Variants in C1QB observed in about 807,000 individuals in gnomAD.
C1QB encodes the protein complement C1q subcomponent subunit B.
Under a neutral mutation model 4.6 loss-of-function variants are expected in C1QB, and 2 were observed. The observed-to-expected ratio is 0.43, with a 90% CI of 0.18 to 1.36. C1QB has a LOEUF of 1.36. Among genes scored for constraint, C1QB ranks in the 40% most tolerant of loss-of-function variants. The pLI is 0.28. For synonymous variants in C1QB, 132 were observed against 137.1 expected (o/e 0.96, Z 0.26); for missense variants, 292 against 338.0 (o/e 0.86, Z 1.07).
chr1:22,656,883 G>A (rs1251819994), intron 1 of C1QB, among the ~76,000 whole-genome samples: 1 of 152,132 alleles, frequency 6.6e-6, no homozygotes, highest in African/African-American at 2.4e-5. Flanking sequence ...GTGGCCCACA[G>A]AAGTCGGGGA....
intron 1 of C1QB, 107 bp from the exon 2 acceptor site, chr1:22,659,333 T>A: frequency 2.3e-6 from 2 of 861,190 alleles, no homozygotes; most frequent in Non-Finnish European, 3.5e-6. Context: ...TGGATGCAGA[T>A]GGAGGAATAG....
Position 22,661,424 on chromosome 1 carries a change from C to A in C1QB, c.*38C>A, listed in dbSNP as rs771818069. ...TTCACATCCACCCCGGCTCCCCCTG[C>A]CAGCAACGCTCACTCTACCCCCAAC... On this transcript the variant is annotated 3_prime_UTR_variant, in exon 3 of 3. Transcript: ENST00000509305. The A allele has an allele frequency of 1.2e-6, 2 of 1,610,690 alleles. No homozygotes were observed.
At chr1:22,656,181 A>T (rs538587105) in intron 1 of C1QB, among the ~76,000 whole-genome samples, 9 of 152,350 alleles carry the variant, frequency 5.9e-5, no homozygotes, top group African/African-American at 1.9e-4. Flanking sequence ...CAGAGGTGTC[A>T]TTGAGGAAAC....
chr1:22,661,615 G>C lies in C1QB; in HGVS notation c.*229G>C. The stretch of plus-strand genomic sequence containing the variant: ...GCTCAGAAATGTTGGTTACATGAAT[G>C]AATGAACCATGAATGAATGAAATCT... On this transcript the variant is annotated 3_prime_UTR_variant, in exon 3 of 3. Coordinates refer to ENST00000509305, the MANE Select transcript of C1QB (RefSeq NM_001378156.1). 1.7e-6 allele frequency: 1 copy of C among 589,962 alleles called. No individual in the cohort carries two copies. The allele number at this position is 589,962 out of a possible 1,614,324, so 36.5% of individuals were successfully genotyped here.
intron 1 of C1QB, 63 bp from the exon 2 acceptor site, chr1:22,659,377 T>C (rs1642585229): frequency 7.8e-6 from 11 of 1,418,902 alleles, no homozygotes. Context: ...GATGGATGGA[T>C]GGATGGATGG....
At chr1:22,654,446 A>C (rs291985) in intron 1 of C1QB, among the ~76,000 whole-genome samples, 86,206 of 151,722 alleles carry the variant, frequency 0.57, 26,012 homozygotes, top group African/African-American at 0.79. Flanking sequence ...CCCTCTAAAC[A>C]CAGTCTTTCA....
Position 22,660,862 on chromosome 1 carries a change from C to G in C1QB, c.232C>G (p.Pro78Ala). 6.2e-7 allele frequency: 1 copy of G among 1,613,866 alleles called. No individual in the cohort carries two copies. Among genetic ancestry groups the G allele is most frequent in the Middle Eastern group, 1.7e-4 (1 of 6,048 alleles). The change falls in exon 3 of 3, where the codon CCA becomes GCA. Residue 78 changes from proline to alanine, a missense_variant. By Grantham distance (27) the Pro-to-Ala change is conservative. Coordinates refer to ENST00000509305, the MANE Select transcript of C1QB (RefSeq NM_001378156.1). ...TGGTGAGTTCGGAGAGAAGGGAGACCCAGGGATTCCTGGGAATCCAGGAAA... is the reference window on the plus strand; with the variant it reads ...TGGTGAGTTCGGAGAGAAGGGAGACGCAGGGATTCCTGGGAATCCAGGAAA... ...DHGEFGEKGD[P>A]GIPGNPGKVG...
chr1:22,658,998 G>A (rs1342017160), intron 1 of C1QB, among the ~76,000 whole-genome samples: 1 of 148,546 alleles, frequency 6.7e-6, no homozygotes, highest in African/African-American at 2.5e-5. Flanking sequence ...GGGATGCATG[G>A]GTGGATGAAT....
At chr1:22,656,182 T>C (rs1002345936) in intron 1 of C1QB, among the ~76,000 whole-genome samples, 2 of 152,166 alleles carry the variant, frequency 1.3e-5, no homozygotes, top group Non-Finnish European at 1.5e-5. Flanking sequence ...AGAGGTGTCA[T>C]TGAGGAAACT....
chr1:22,657,515 T>G (rs1642546391), intron 1 of C1QB, among the ~76,000 whole-genome samples: 1 of 152,138 alleles, frequency 6.6e-6, no homozygotes, highest in African/African-American at 2.4e-5. Context: ...ATAATTCCAT[T>G]TATATGAAAT....
intron 1 of C1QB, among the ~76,000 whole-genome samples, chr1:22,656,472 G>A (rs541391442): frequency 2.0e-5 from 3 of 152,148 alleles, no homozygotes; most frequent in South Asian, 2.1e-4. Context: ...TCCAGAGTTC[G>A]AGACCAGCCT....
intron 1 of C1QB, among the ~76,000 whole-genome samples, chr1:22,654,876 T>C (rs1019172786): frequency 6.6e-6 from 1 of 152,242 alleles, no homozygotes; most frequent in African/African-American, 2.4e-5. Flanking sequence ...CCTTGGTGTG[T>C]CCCATGCATT....
At chr1:22,656,430 TCAGGAGGCTGAGG>T (rs1232433623) in intron 1 of C1QB, among the ~76,000 whole-genome samples, 1 of 152,058 alleles carries the variant, frequency 6.6e-6, no homozygotes, top group African/African-American at 2.4e-5. Context: ...TCCCAGCTAC[TCAGGAGGCTGAGG>T]CAGGAGGATG....
In C1QB at chr1:22,659,767, C is replaced by T. The variant is rs894600950; in HGVS notation, c.181+124C>T. On this transcript the variant is annotated intron_variant, in intron 2 of 2. Transcript: ENST00000509305. ...TGGCAAATCCAGCAGCTTGCTGAAC[C>T]CTTGCAGTAACTTTGCAAGGAGGGA... 3.5e-6 allele frequency: 4 copies of T among 1,155,224 alleles called. No homozygotes were observed. The Admixed American group carries it at 8.7e-5, about 25-fold the overall frequency. 71.6% of individuals were successfully genotyped at this position (1,155,224 alleles called of 1,614,324 possible).
rs567573612 is a variant in C1QB at position 22,660,808 on chromosome 1, C to T, written c.182-4C>T. ...TCTCACTTCTTTGGTCTCTGCTTTT[C>T]CAGGGCTTCCAGGGCTGGCTGGAGA... On this transcript the variant is annotated splice_polypyrimidine_tract_variant and splice_region_variant and intron_variant, in intron 2 of 2. Transcript: ENST00000509305. The T allele has an allele frequency of 6.8e-6, 11 of 1,613,900 alleles. No homozygotes were observed. In the South Asian group the frequency reaches 1.2e-4, roughly 18 times the overall value.
chr1:22,655,816 T>A (rs149248312), intron 1 of C1QB, among the ~76,000 whole-genome samples: 28 of 152,270 alleles, frequency 1.8e-4, no homozygotes, highest in African/African-American at 6.0e-4. Flanking sequence ...CAGAGACCAC[T>A]CTGCTCCCCC....
Position 22,661,568 on chromosome 1 carries a change from C to T in C1QB, c.*182C>T. The stretch of plus-strand genomic sequence containing the variant: ...TCTAATTCAACTCTGTGTCCCAGCA[C>T]CTGGCACACCAGAAGTGCCATGCTC... On this transcript the variant is annotated 3_prime_UTR_variant, in exon 3 of 3. Transcript: ENST00000509305. 2 of 670,696 alleles carry T rather than the reference C, an allele frequency of 3.0e-6. No homozygotes were observed. Among genetic ancestry groups the T allele is most frequent in the Non-Finnish European group, 5.2e-6 (2 of 387,512 alleles). 41.5% of individuals were successfully genotyped at this position (670,696 alleles called of 1,614,324 possible).
At chr1:22,654,760 A>G (rs947988668) in intron 1 of C1QB, among the ~76,000 whole-genome samples, 2 of 152,194 alleles carry the variant, frequency 1.3e-5, no homozygotes, top group South Asian at 2.1e-4. Context: ...TTGTGACACT[A>G]CAGGCTCCCG....
intron 1 of C1QB, among the ~76,000 whole-genome samples, chr1:22,658,391 C>T (rs1213210440): frequency 6.6e-6 from 1 of 152,208 alleles, no homozygotes; most frequent in African/African-American, 2.4e-5. Flanking sequence ...GTGGCTTCCC[C>T]TTGGAGAAGA....
Sources: gnomAD v4.1 joint callset for allele counts (sites outside exome capture counted in the v4.1 genomes callset) on GRCh38, gnomAD v4.1.1 for gene constraint, MANE v1.5 for transcripts, NCBI Gene and HGNC (gene_info 2026-07-23, HGNC 2026-07-21) for gene names.